The following FOXN3 variants were observed in gnomAD, a reference collection of about 807,000 sequenced individuals.
FOXN3 encodes the protein forkhead box N3.
A neutral mutation model predicts 38.4 loss-of-function variants in FOXN3; 7 were observed. The observed-to-expected ratio is 0.18, with a 90% CI of 0.10 to 0.34. The LOEUF (loss-of-function observed/expected upper bound fraction) is 0.34, where lower values mean the gene tolerates loss of function less well. Ranked by LOEUF, FOXN3 falls within the 10% of genes least tolerant of loss-of-function variation. The pLI is 1.00. For synonymous variants in FOXN3, 230 were observed against 242.2 expected (o/e 0.95, Z 0.47); for missense variants, 456 against 613.4 (o/e 0.74, Z 2.71).
chr14:89,453,094 G>A (rs1892647742), intron 1 of FOXN3, among the ~76,000 whole-genome samples: 2 of 152,110 alleles, frequency 1.3e-5, no homozygotes, highest in Non-Finnish European at 1.5e-5. Context: ...AGATACTCAT[G>A]AGGCTGAGGC....
rs141346996 is a variant in FOXN3, at chr14:89,603,237, G to A, written c.-15+15791C>T. 2.4e-3 allele frequency among the ~76,000 whole-genome samples: 365 copies of A among 152,290 alleles called. 3 individuals carry two copies. Among genetic ancestry groups the A allele is most frequent in the African/African-American group, 8.4e-3 (349 of 41,544 alleles). Reference sequence around the variant, plus strand: ...GATCCAAATAAGCACTGTGACCTTGGAGCCATGGGTTGAAAATGACAGAGT... The same window carrying A: ...GATCCAAATAAGCACTGTGACCTTGAAGCCATGGGTTGAAAATGACAGAGT... On this transcript the variant is annotated intron_variant, in intron 1 of 6. Coordinates refer to the FOXN3 transcript ENST00000345097.
chr14:89,530,064 T>G (rs1290459395), intron 1 of FOXN3, among the ~76,000 whole-genome samples: 1 of 151,828 alleles, frequency 6.6e-6, no homozygotes, highest in Non-Finnish European at 1.5e-5. Context: ...CTCAGCCTCC[T>G]GAGTAGCTAG....
intron 1 of FOXN3, among the ~76,000 whole-genome samples, chr14:89,461,926 C>T (rs535308281): frequency 6.6e-6 from 1 of 152,296 alleles, no homozygotes; most frequent in East Asian, 1.9e-4. Context: ...GGACTGGGCA[C>T]AGGGGGTCTT....
At chr14:89,517,797 T>C (rs1894235937) in intron 1 of FOXN3, among the ~76,000 whole-genome samples, 2 of 152,332 alleles carry the variant, frequency 1.3e-5, no homozygotes, top group South Asian at 4.1e-4. Flanking sequence ...TTCTTTCAAC[T>C]CGCCTCCCTG....
upstream of FOXN3, among the ~76,000 whole-genome samples, chr14:89,421,421 T>C (rs890010020): frequency 3.9e-5 from 6 of 151,972 alleles, no homozygotes; most frequent in Non-Finnish European, 7.4e-5. Context: ...GTGCTGGGAC[T>C]ACAGGCATGA....
At chr14:89,493,164 T>A (rs1337869423) in intron 1 of FOXN3, among the ~76,000 whole-genome samples, 1 of 152,178 alleles carries the variant, frequency 6.6e-6, no homozygotes, top group African/African-American at 2.4e-5. Context: ...TAAATTACCA[T>A]GCCATTTTAC....
In FOXN3 at chr14:89,261,061, G is replaced by T. The variant is rs75664352; in HGVS notation, c.745+19889C>A. On this transcript the variant is annotated intron_variant, in intron 4 of 5. Coordinates refer to ENST00000557258, the MANE Select transcript of FOXN3 (RefSeq NM_005197.4). ...GAACCACAGGTTGAGCCTTGGGTTGGGCTGACCCTGGAGTTGGGGTCATCC... is the reference window on the plus strand; with the variant it reads ...GAACCACAGGTTGAGCCTTGGGTTGTGCTGACCCTGGAGTTGGGGTCATCC... Among the ~76,000 whole-genome samples, 597 of 152,284 alleles carry T rather than the reference G, an allele frequency of 3.9e-3. 3 individuals carry two copies. Among genetic ancestry groups the T allele is most frequent in the African/African-American group, 0.014 (572 of 41,550 alleles).
intron 3 of FOXN3, among the ~76,000 whole-genome samples, chr14:89,313,404 G>C (rs1011789831): frequency 1.2e-4 from 18 of 151,970 alleles, no homozygotes; most frequent in African/African-American, 4.4e-4. Flanking sequence ...CCTAAAATAC[G>C]AAAATTAGCT....
At chr14:89,383,659 C>T (rs77345355) in intron 2 of FOXN3, among the ~76,000 whole-genome samples, 3,342 of 152,254 alleles carry the variant, frequency 0.022, 131 homozygotes, top group African/African-American at 0.075. Flanking sequence ...ATCTTCCCCA[C>T]GTATCTGTTT....
At chr14:89,365,738 G>C (rs1890121844) in intron 2 of FOXN3, among the ~76,000 whole-genome samples, 1 of 152,136 alleles carries the variant, frequency 6.6e-6, no homozygotes, top group Non-Finnish European at 1.5e-5. Context: ...CTAAAAAGCG[G>C]ATCGTTTTAT....
At chr14:89,292,807 T>G (rs989760987) in intron 3 of FOXN3, among the ~76,000 whole-genome samples, 3 of 152,186 alleles carry the variant, frequency 2.0e-5, no homozygotes, top group African/African-American at 7.2e-5. Flanking sequence ...GAGCGGTCAC[T>G]GCCCTTGATG....
At chr14:89,178,172 C>A (rs1887573263) in intron 5 of FOXN3, among the ~76,000 whole-genome samples, 1 of 149,592 alleles carries the variant, frequency 6.7e-6, no homozygotes, top group African/African-American at 2.5e-5. Context: ...ATGCCCAGGT[C>A]ATTTTTTTTT....
At chr14:89,452,938 C>T (rs1326687196) in intron 1 of FOXN3, among the ~76,000 whole-genome samples, 1 of 152,180 alleles carries the variant, frequency 6.6e-6, no homozygotes, top group Non-Finnish European at 1.5e-5. Flanking sequence ...GCAGCTCACG[C>T]CAGTAATCCC....
intron 4 of FOXN3, among the ~76,000 whole-genome samples, chr14:89,197,843 G>A (rs1400374800): frequency 1.3e-5 from 2 of 152,226 alleles, no homozygotes; most frequent in East Asian, 3.8e-4. Flanking sequence ...AAGAACGGCT[G>A]TCGCAGTAAA....
chr14:89,230,496 T>G (rs896363449), intron 4 of FOXN3, among the ~76,000 whole-genome samples: 2 of 152,266 alleles, frequency 1.3e-5, no homozygotes, highest in Non-Finnish European at 2.9e-5. Context: ...ATTGCTATTA[T>G]CTCCCTGCTA....
At chr14:89,167,680 C>T (rs965042246) in intron 5 of FOXN3, among the ~76,000 whole-genome samples, 1 of 152,144 alleles carries the variant, frequency 6.6e-6, no homozygotes, top group Admixed American at 6.5e-5. Flanking sequence ...AGATCAAGTA[C>T]AGTAACTTGT....
intron 3 of FOXN3, chr14:89,284,381 A>C (rs1046100643): frequency 4.5e-6 from 2 of 442,962 alleles, no homozygotes; most frequent in Non-Finnish European, 9.1e-6. Flanking sequence ...ACACTGCATG[A>C]CAAGTTAGTG....
chr14:89,509,813 T>C (rs760642685), intron 1 of FOXN3, among the ~76,000 whole-genome samples: 18 of 152,252 alleles, frequency 1.2e-4, no homozygotes, highest in Non-Finnish European at 2.6e-4. Flanking sequence ...AGGACACCAA[T>C]GAATTGTTTG....
At chr14:89,457,558 A>G (rs548006417) in intron 1 of FOXN3, among the ~76,000 whole-genome samples, 22 of 152,358 alleles carry the variant, frequency 1.4e-4, no homozygotes, top group African/African-American at 5.0e-4. Flanking sequence ...ACCTACTTGA[A>G]GGGAAGAAAG....
Sources: allele counts gnomAD v4.1 joint callset (sites outside exome capture counted in the v4.1 genomes callset), GRCh38; gene constraint gnomAD v4.1.1; transcripts MANE v1.5; gene names NCBI Gene and HGNC (gene_info 2026-07-23, HGNC 2026-07-21).